The following MICAL2 variants were observed in gnomAD, a reference collection of about 807,000 sequenced individuals.
MICAL2 encodes [F-actin]-monooxygenase MICAL2.
A neutral mutation model predicts 127.3 loss-of-function variants in MICAL2; 77 were observed. That is an observed-to-expected ratio of 0.60 (90% CI 0.50 to 0.73). MICAL2 has a LOEUF of 0.73. Ranked by LOEUF, MICAL2 falls within the 30% of genes least tolerant of loss-of-function variation. MICAL2 has a pLI of 0.00. For synonymous variants in MICAL2, 570 were observed against 551.1 expected (o/e 1.03, Z -0.48); for missense variants, 1,351 against 1,434.4 (o/e 0.94, Z 0.94).
At chr11:12,342,606 G>T (rs1347890043) in intron 32 of MICAL2, among the ~76,000 whole-genome samples, 1 of 152,164 alleles carries the variant, frequency 6.6e-6, no homozygotes. Flanking sequence ...CTATAGAAAT[G>T]GCATGGTATA....
chr11:12,167,936 G>A (rs899431286), intron 3 of MICAL2, among the ~76,000 whole-genome samples: 2 of 152,068 alleles, frequency 1.3e-5, no homozygotes, highest in African/African-American at 4.8e-5. Flanking sequence ...GTCCTCATAG[G>A]AAGTTGTTAA....
intron 32 of MICAL2, chr11:12,349,753 A>T: frequency 7.5e-7 from 1 of 1,334,192 alleles, no homozygotes; most frequent in Admixed American, 1.7e-5. Flanking sequence ...CACTACAAAC[A>T]TAACCTGCTA....
intron 29 of MICAL2, among the ~76,000 whole-genome samples, chr11:12,318,038 T>C (rs1288232375): frequency 6.6e-6 from 1 of 152,242 alleles, no homozygotes; most frequent in Admixed American, 6.5e-5. Context: ...AGTTTTCTAA[T>C]GTTGCAGTAT....
intron 8 of MICAL2, among the ~76,000 whole-genome samples, chr11:12,218,367 C>A (rs1027807048): frequency 6.6e-6 from 1 of 152,158 alleles, no homozygotes; most frequent in African/African-American, 2.4e-5. Context: ...TCCATCCCCC[C>A]ACTCATCTGG....
At chr11:12,258,639 T>A (rs1475411260) in intron 25 of MICAL2, 83 bp downstream of exon 25, 10 of 1,268,320 alleles carry the variant, frequency 7.9e-6, no homozygotes, top group Admixed American at 3.6e-5. Flanking sequence ...TAGGCCAGCT[T>A]TGCTGGCCCT....
chr11:12,254,430 C>G (rs893460065), intron 22 of MICAL2: 21 of 152,510 alleles, frequency 1.4e-4, no homozygotes, highest in African/African-American at 4.8e-4. Context: ...CCCTGAGCAG[C>G]TGCCTGCAGC....
rs78211859 is a variant in MICAL2, at chr11:12,270,856, G to A, written c.3335-5130G>A. ...CAGCACACAGGAGGCCTGTTGCGTT[G>A]TCATCTCCCTGGGTTCTGGGGGTGA... On this transcript the variant is annotated intron_variant, in intron 24 of 34. Coordinates refer to the MICAL2 transcript ENST00000646065. Among the ~76,000 whole-genome samples the A allele has an allele frequency of 4.4e-3, 666 of 152,322 alleles. 20 individuals are homozygous for A. In the East Asian group the frequency reaches 0.074, roughly 17 times the overall value.
At chr11:12,281,496 G>A (rs536341910) in intron 2 of MICAL2, among the ~76,000 whole-genome samples, 2 of 152,296 alleles carry the variant, frequency 1.3e-5, no homozygotes, top group East Asian at 3.9e-4. Flanking sequence ...TCCAGCTGCT[G>A]TTGGACAACA....
chr11:12,317,203 A>G (rs913416027), intron 29 of MICAL2, among the ~76,000 whole-genome samples: 4 of 152,064 alleles, frequency 2.6e-5, no homozygotes, highest in African/African-American at 9.7e-5. Flanking sequence ...ACTTTCATCT[A>G]TCTTTTCAAC....
At chr11:12,284,810 C>A (rs762839384) in intron 2 of MICAL2, among the ~76,000 whole-genome samples, 1 of 152,148 alleles carries the variant, frequency 6.6e-6, no homozygotes, top group African/African-American at 2.4e-5. Context: ...TCCATACAGG[C>A]TCCTCCTCAA....
upstream of MICAL2, among the ~76,000 whole-genome samples, chr11:12,275,509 C>T (rs1863715035): frequency 1.3e-5 from 2 of 152,074 alleles, no homozygotes; most frequent in South Asian, 4.1e-4. Context: ...AGGAGATAGC[C>T]AGTGAAGAAG....
chr11:12,250,270 G>A (rs1861366813), intron 22 of MICAL2: 1 of 152,214 alleles, frequency 6.6e-6, no homozygotes, highest in Non-Finnish European at 1.5e-5. Flanking sequence ...TTTAATTTTT[G>A]TGGGTACGTA....
rs147070128 is a variant in MICAL2 at position 12,213,891 on chromosome 11, G to C, written c.847+481G>C. Among the ~76,000 whole-genome samples, 699 of 152,292 alleles carry C rather than the reference G, an allele frequency of 4.6e-3. 3 individuals carry two copies. Among genetic ancestry groups the C allele is most frequent in the Admixed American group, 6.3e-3 (96 of 15,292 alleles). On this transcript the variant is annotated intron_variant, in intron 7 of 27. Transcript: ENST00000683283. ...GCAATACAGCACTGCCCTTCCCCAAGAAGGACATCTGGATACGCCCAGGAA... is the reference window on the plus strand; with the variant it reads ...GCAATACAGCACTGCCCTTCCCCAACAAGGACATCTGGATACGCCCAGGAA...
intron 2 of MICAL2, among the ~76,000 whole-genome samples, chr11:12,146,354 CA>C (rs1852903239): frequency 1.3e-5 from 2 of 152,172 alleles, no homozygotes; most frequent in Admixed American, 1.3e-4. Flanking sequence ...ACAAAGAACT[CA>C]AACAAATTTA....
chr11:12,155,572 A>G (rs940203743), intron 2 of MICAL2, among the ~76,000 whole-genome samples: 1 of 152,250 alleles, frequency 6.6e-6, no homozygotes, highest in African/African-American at 2.4e-5. Context: ...ACATGCACAC[A>G]TATATACATA....
intron 32 of MICAL2, among the ~76,000 whole-genome samples, chr11:12,329,184 C>A (rs536852481): frequency 6.6e-6 from 1 of 152,132 alleles, no homozygotes; most frequent in Non-Finnish European, 1.5e-5. Context: ...CACTGGATTT[C>A]CTTGCAAAGA....
At chr11:12,136,254 AT>A (rs899781624) in intron 1 of MICAL2, among the ~76,000 whole-genome samples, 3 of 152,122 alleles carry the variant, frequency 2.0e-5, no homozygotes, top group African/African-American at 2.4e-5. Context: ...AAAGGAAAAT[AT>A]AGTGTCAGGG....
intron 1 of MICAL2, among the ~76,000 whole-genome samples, chr11:12,137,215 G>T (rs1051247605): frequency 6.6e-6 from 1 of 152,252 alleles, no homozygotes; most frequent in Non-Finnish European, 1.5e-5. Flanking sequence ...TGACGGGCGG[G>T]CAGGGCTGCC....
In MICAL2 at chr11:12,121,185, A is replaced by G. The variant is rs553292774; in HGVS notation, c.-149+10459A>G. 1.8e-4 allele frequency among the ~76,000 whole-genome samples: 27 copies of G among 152,314 alleles called. No individual in the cohort carries two copies. In the East Asian group the frequency reaches 4.6e-3, roughly 26 times the overall value. ...TTGGTGGCTCTTGACTCTGTGTAGCAAACAGCGTCTGCTTCACTTTCACCA... is the reference window on the plus strand; with the variant it reads ...TTGGTGGCTCTTGACTCTGTGTAGCGAACAGCGTCTGCTTCACTTTCACCA... On this transcript the variant is annotated intron_variant, in intron 1 of 27. Coordinates refer to ENST00000683283, the MANE Select transcript of MICAL2 (RefSeq NM_001282663.2).
Sources: allele counts gnomAD v4.1 joint callset (sites outside exome capture counted in the v4.1 genomes callset), GRCh38; gene constraint gnomAD v4.1.1; transcripts MANE v1.5; gene names NCBI Gene and HGNC (gene_info 2026-07-23, HGNC 2026-07-21).